The following OSBPL1A variants were observed in gnomAD, a reference collection of about 807,000 sequenced individuals.
OSBPL1A encodes the protein oxysterol binding protein like 1A.
In OSBPL1A, 80 loss-of-function variants were observed where a neutral mutation model predicts 137.1. That is an observed-to-expected ratio of 0.58 (90% CI 0.49 to 0.70). OSBPL1A has a LOEUF of 0.70. Ranked by LOEUF, OSBPL1A falls within the 30% of genes least tolerant of loss-of-function variation. The probability of loss-of-function intolerance (pLI) is 0.00; values close to 1 mark genes in which losing one functional copy is unlikely to be tolerated. For synonymous variants in OSBPL1A, 365 were observed against 389.7 expected (o/e 0.94, Z 0.75); for missense variants, 970 against 1,129.4 (o/e 0.86, Z 2.02).
intron 15 of OSBPL1A, among the ~76,000 whole-genome samples, chr18:24,260,765 T>A (rs2089426125): frequency 6.6e-6 from 1 of 151,772 alleles, no homozygotes; most frequent in Admixed American, 6.6e-5. Flanking sequence ...TGCCACTGAA[T>A]TGTATGCTCA....
At chr18:24,288,632 G>C (rs1228733071) in intron 14 of OSBPL1A, among the ~76,000 whole-genome samples, 1 of 152,278 alleles carries the variant, frequency 6.6e-6, no homozygotes, top group South Asian at 2.1e-4. Context: ...GCTGGGCATG[G>C]TGGCACACGC....
intron 18 of OSBPL1A, among the ~76,000 whole-genome samples, chr18:24,189,042 C>G (rs1487828003): frequency 6.6e-6 from 1 of 152,174 alleles, no homozygotes; most frequent in Non-Finnish European, 1.5e-5. Context: ...CTTCAGGCAG[C>G]TGGAAAAGTT....
intron 18 of OSBPL1A, among the ~76,000 whole-genome samples, chr18:24,192,144 T>C (rs1045031387): frequency 3.9e-5 from 6 of 152,162 alleles, no homozygotes; most frequent in Non-Finnish European, 7.4e-5. Context: ...AGCACGCACA[T>C]GGCCTTGAGC....
intron 4 of OSBPL1A, among the ~76,000 whole-genome samples, chr18:24,354,926 C>T (rs1026698412): frequency 2.0e-5 from 3 of 152,118 alleles, no homozygotes; most frequent in African/African-American, 7.2e-5. Context: ...ATTACCATAA[C>T]TGTGCCCCCC....
At position 24,180,932 on chromosome 18, in the gene OSBPL1A, G is replaced by A. The variant is rs186009097; in HGVS notation, c.1812+213C>T. On this transcript the variant is annotated intron_variant, in intron 19 of 27. Transcript: ENST00000319481. ...CCACTAATATCTAGGTTTGCTTAAT[G>A]GGCCACCTCCTGCTTCTCCTGCAAT... Among the ~76,000 whole-genome samples, 481 of 152,290 alleles carry A rather than the reference G, an allele frequency of 3.2e-3. 1 individual carries two copies. The highest frequency in any genetic ancestry group is 0.011 in the African/African-American group (471 of 41,562).
rs2089730484 is a variant in OSBPL1A, at chr18:24,271,907, C to T, written c.1281+8935G>A. On this transcript the variant is annotated intron_variant, in intron 15 of 27. Transcript: ENST00000319481. The surrounding 1 kb of genome is among the most constrained non-coding windows in gnomAD (Gnocchi z 4.0). The stretch of plus-strand genomic sequence containing the variant: ...TCCCGCGCCGCGCCCGCCCGGGCCG[C>T]AGAGGTCTGCGCTGCCCCTCCGCCG... The T allele has an allele frequency of 2.0e-6, 2 of 984,206 alleles. No individual in the cohort carries two copies. The allele number at this position is 984,206 out of a possible 1,614,324, so 61.0% of individuals were successfully genotyped here.
At position 24,162,115 on chromosome 18, in the gene OSBPL1A, A is replaced by AAGAC. The variant is rs2086029058; in HGVS notation, c.*1060_*1063dup. On this transcript the variant is annotated 3_prime_UTR_variant, in exon 28 of 28. Coordinates refer to ENST00000319481, the MANE Select transcript of OSBPL1A (RefSeq NM_080597.4). ...TTTCATTATAACACTTGTTAACTTCAAGACAGCAATTAAAATCACGGACTG... is the reference window on the plus strand; with the variant it reads ...TTTCATTATAACACTTGTTAACTTCAAGACAGACAGCAATTAAAATCACGGACTG... 1 of 152,260 alleles carries AAGAC rather than the reference A, an allele frequency of 6.6e-6. No individual in the cohort carries two copies. The highest frequency in any genetic ancestry group is 2.1e-4 in the South Asian group (1 of 4,832). 9.4% of individuals were successfully genotyped at this position (152,260 alleles called of 1,614,324 possible).
At chr18:24,199,715 T>C (rs1360767908) in intron 17 of OSBPL1A, among the ~76,000 whole-genome samples, 2 of 152,240 alleles carry the variant, frequency 1.3e-5, no homozygotes, top group East Asian at 3.8e-4. Flanking sequence ...AATGCTTATA[T>C]TAGGGTGGCT....
At chr18:24,302,001 G>T (rs188890500) in intron 14 of OSBPL1A, among the ~76,000 whole-genome samples, 1 of 152,162 alleles carries the variant, frequency 6.6e-6, no homozygotes. Flanking sequence ...GGCCAACGCG[G>T]GTGGATCACA....
At chr18:24,346,480 C>T (rs1284484182) in intron 4 of OSBPL1A, among the ~76,000 whole-genome samples, 1 of 152,190 alleles carries the variant, frequency 6.6e-6, no homozygotes, top group Non-Finnish European at 1.5e-5. Context: ...ATTTCCCCTC[C>T]TCATAATCCC....
At chr18:24,309,756 C>A (rs1448615162) in intron 13 of OSBPL1A, among the ~76,000 whole-genome samples, 1 of 152,080 alleles carries the variant, frequency 6.6e-6, no homozygotes, top group Non-Finnish European at 1.5e-5. Flanking sequence ...AATCAAGATT[C>A]ACAGCATTGG....
At chr18:24,386,007 C>T (rs567693273) in intron 1 of OSBPL1A, among the ~76,000 whole-genome samples, 202 of 152,220 alleles carry the variant, frequency 1.3e-3, no homozygotes, top group African/African-American at 4.4e-3. Context: ...GCAGGAAAGA[C>T]GGCAAGGATC....
At chr18:24,360,087 C>A (rs2146184662) in intron 4 of OSBPL1A, among the ~76,000 whole-genome samples, 1 of 152,298 alleles carries the variant, frequency 6.6e-6, no homozygotes, top group South Asian at 2.1e-4. Context: ...CCTGCCTCAG[C>A]CTCCTGAAGT....
intron 17 of OSBPL1A, among the ~76,000 whole-genome samples, chr18:24,197,471 AT>A (rs2145946760): frequency 6.6e-6 from 1 of 152,388 alleles, no homozygotes; most frequent in East Asian, 1.9e-4. Flanking sequence ...AAACTAATTA[AT>A]TTGGATTATA....
At chr18:24,298,480 G>A (rs2090335630) in intron 14 of OSBPL1A, among the ~76,000 whole-genome samples, 1 of 152,160 alleles carries the variant, frequency 6.6e-6, no homozygotes, top group Non-Finnish European at 1.5e-5. Flanking sequence ...CCAGTAGCTG[G>A]GACTATAGGC....
chr18:24,358,607 A>C, intron 4 of OSBPL1A: 2 of 686,304 alleles, frequency 2.9e-6, no homozygotes, highest in Non-Finnish European at 5.3e-6. Context: ...GAAACACAGT[A>C]GGCCTTCAAT....
chr18:24,211,517 T>G (rs1216275556), intron 17 of OSBPL1A, among the ~76,000 whole-genome samples: 4 of 152,086 alleles, frequency 2.6e-5, no homozygotes, highest in African/African-American at 9.7e-5. Context: ...CTGTTGTAAC[T>G]TTTTTGTCCC....
chr18:24,391,145 C>T (rs531336153), intron 1 of OSBPL1A, among the ~76,000 whole-genome samples: 7 of 152,164 alleles, frequency 4.6e-5, no homozygotes, highest in East Asian at 1.9e-4. Flanking sequence ...AGAACATGGA[C>T]GAACCTGGAA....
intron 11 of OSBPL1A, among the ~76,000 whole-genome samples, chr18:24,315,041 C>T (rs997038917): frequency 1.3e-5 from 2 of 152,056 alleles, no homozygotes; most frequent in African/African-American, 2.4e-5. Flanking sequence ...ACTATAAAAC[C>T]CGGATACGAA....
Sources: allele counts gnomAD v4.1 joint callset (sites outside exome capture counted in the v4.1 genomes callset), GRCh38; gene constraint gnomAD v4.1.1; non-coding constraint Gnocchi (gnomAD v3.1); transcripts MANE v1.5; gene names NCBI Gene and HGNC (gene_info 2026-07-23, HGNC 2026-07-21).